Variants in LHFPL6 observed in about 807,000 individuals in gnomAD.
LHFPL6 encodes the protein LHFPL tetraspan subfamily member 6 protein.
Under a neutral mutation model 20.6 loss-of-function variants are expected in LHFPL6, and 9 were observed. The ratio of observed to expected loss-of-function variants is 0.44; its 90% CI spans 0.26 to 0.76. The LOEUF (loss-of-function observed/expected upper bound fraction) is 0.76. LHFPL6 is among the 30% of genes least tolerant of loss of function. LHFPL6 has a pLI of 0.20. For missense variants in LHFPL6, 218 were observed against 253.5 expected (o/e 0.86, Z 0.95); for synonymous variants, 105 against 98.7 (o/e 1.06, Z -0.38).
chr13:39,524,135 AGGGGCTAAGGG>A (rs1870210097), intron 2 of LHFPL6, among the ~76,000 whole-genome samples: 1 of 152,210 alleles, frequency 6.6e-6, no homozygotes, highest in Non-Finnish European at 1.5e-5. Flanking sequence ...AAGGGAAGAA[AGGGGCTAAGGG>A]ACATAGGAAT....
chr13:39,544,343 T>C (rs913822413), intron 2 of LHFPL6, among the ~76,000 whole-genome samples: 6 of 152,218 alleles, frequency 3.9e-5, no homozygotes, highest in African/African-American at 1.4e-4. Context: ...AATTAGCTCA[T>C]TTGACACCTT....
intron 2 of LHFPL6, among the ~76,000 whole-genome samples, chr13:39,458,405 A>T (rs2138426543): frequency 6.6e-6 from 1 of 152,288 alleles, no homozygotes; most frequent in Non-Finnish European, 1.5e-5. Flanking sequence ...GAGGTCAATG[A>T]AAGCAAGCAA....
chr13:39,459,595 G>A (rs1400689373), intron 2 of LHFPL6, among the ~76,000 whole-genome samples: 1 of 152,102 alleles, frequency 6.6e-6, no homozygotes, highest in Non-Finnish European at 1.5e-5. Context: ...TTGAAAGCAA[G>A]ACTTTCTTTC....
intron 2 of LHFPL6, among the ~76,000 whole-genome samples, chr13:39,592,216 A>G (rs1427719789): frequency 1.3e-5 from 2 of 151,642 alleles, no homozygotes; most frequent in South Asian, 2.1e-4. Context: ...AGCTTTTTAG[A>G]AAAAAAAAGT....
chr13:39,391,702 T>C (rs995276706), intron 2 of LHFPL6, among the ~76,000 whole-genome samples: 9 of 152,212 alleles, frequency 5.9e-5, no homozygotes, highest in Non-Finnish European at 1.3e-4. Context: ...AATATGAACG[T>C]ATCATAAGAT....
At chr13:39,508,925 T>C (rs1869588864) in intron 2 of LHFPL6, among the ~76,000 whole-genome samples, 1 of 152,188 alleles carries the variant, frequency 6.6e-6, no homozygotes, top group Non-Finnish European at 1.5e-5. Flanking sequence ...TGCCAAATTG[T>C]TTTCTAAAAT....
intron 2 of LHFPL6, among the ~76,000 whole-genome samples, chr13:39,444,593 T>A (rs1330611663): frequency 1.3e-5 from 2 of 152,184 alleles, no homozygotes; most frequent in African/African-American, 4.8e-5. Flanking sequence ...ACCCCTCAGC[T>A]GCTCTGGCCA....
chr13:39,562,367 C>CAT (rs1264406810), intron 2 of LHFPL6, among the ~76,000 whole-genome samples: 8 of 75,498 alleles, frequency 1.1e-4, no homozygotes, highest in African/African-American at 1.9e-4. Flanking sequence ...TATACATATA[C>CAT]ATATATACAT....
In LHFPL6 at chr13:39,601,148, G is replaced by A; in HGVS notation, c.69C>T (p.Ser23=). Residue 23 remains serine, a synonymous_variant, in exon 2 of 4, where the codon TCC becomes TCT. Coordinates refer to ENST00000379589, the MANE Select transcript of LHFPL6 (RefSeq NM_005780.3). ...ALLSFLCAAT[S]CVGFFMPYWL... ...AGTAAGGCATAAAGAACCCCACGCA[G>A]GAGGTGGCAGCACAAAGAAAAGACA... The A allele has an allele frequency of 6.2e-7, 1 of 1,614,134 alleles. No homozygotes were observed. Among genetic ancestry groups the A allele is most frequent in the Non-Finnish European group, 8.5e-7 (1 of 1,180,034 alleles).
intron 2 of LHFPL6, among the ~76,000 whole-genome samples, chr13:39,580,133 A>G (rs995452243): frequency 1.3e-5 from 2 of 152,230 alleles, no homozygotes; most frequent in Non-Finnish European, 2.9e-5. Context: ...ATAAAAATAC[A>G]AATTTATGAA....
At chr13:39,577,030 T>C (rs976353907) in intron 2 of LHFPL6, among the ~76,000 whole-genome samples, 3 of 152,166 alleles carry the variant, frequency 2.0e-5, no homozygotes, top group Non-Finnish European at 4.4e-5. Context: ...AGACCTACTG[T>C]GTGCTAAAGA....
intron 2 of LHFPL6, among the ~76,000 whole-genome samples, chr13:39,562,515 T>TATACAC (rs1871546595): frequency 6.7e-4 from 77 of 114,892 alleles, no homozygotes; most frequent in African/African-American, 2.0e-3. Flanking sequence ...CATATATACA[T>TATACAC]ATATACACAT....
intron 3 of LHFPL6, among the ~76,000 whole-genome samples, chr13:39,345,512 CAAAAAAAAAAAAAAA>C (rs71077225): frequency 6.9e-5 from 3 of 43,456 alleles, no homozygotes; most frequent in Non-Finnish European, 1.5e-4. Flanking sequence ...GACTCCATCT[CAAAAAAAAAAAAAAA>C]AAAAAAAAAA....
chr13:39,465,645 C>T (rs568617778), intron 2 of LHFPL6, among the ~76,000 whole-genome samples: 1 of 152,192 alleles, frequency 6.6e-6, no homozygotes, highest in South Asian at 2.1e-4. Flanking sequence ...TGGAAAATGA[C>T]TTAATCATCT....
chr13:39,349,613 T>A (rs999043110), intron 3 of LHFPL6, among the ~76,000 whole-genome samples: 2 of 152,200 alleles, frequency 1.3e-5, no homozygotes, highest in African/African-American at 4.8e-5. Flanking sequence ...CATTAAGCAA[T>A]AATGAGACAT....
chr13:39,442,520 G>A (rs1312771939), intron 2 of LHFPL6, among the ~76,000 whole-genome samples: 2 of 152,146 alleles, frequency 1.3e-5, no homozygotes, highest in Non-Finnish European at 2.9e-5. Context: ...TAGCTGCAAA[G>A]GGAAGGGAAG....
intron 2 of LHFPL6, among the ~76,000 whole-genome samples, chr13:39,519,093 G>A (rs1202717702): frequency 6.6e-6 from 1 of 152,094 alleles, no homozygotes; most frequent in East Asian, 1.9e-4. Flanking sequence ...AAAATTAGCA[G>A]GGCGTGGTGG....
At position 39,356,133 on chromosome 13, in the gene LHFPL6, C is replaced by T. The variant is rs536563249; in HGVS notation, c.485-12079G>A. Among the ~76,000 whole-genome samples the T allele has an allele frequency of 2.4e-4, 37 of 152,284 alleles. No individual in the cohort carries two copies. The South Asian group carries it at 3.3e-3, about 14-fold the overall frequency. On this transcript the variant is annotated intron_variant, in intron 3 of 3. Transcript: ENST00000379589. Reference sequence around the variant, plus strand: ...TGACCACATGTTCAGCGATAAAGCACGTCTCAATAAATTTTTAAAAAGTAA... The same window carrying T: ...TGACCACATGTTCAGCGATAAAGCATGTCTCAATAAATTTTTAAAAAGTAA...
intron 2 of LHFPL6, among the ~76,000 whole-genome samples, chr13:39,391,440 T>C (rs1350998183): frequency 6.6e-6 from 1 of 152,180 alleles, no homozygotes; most frequent in African/African-American, 2.4e-5. Flanking sequence ...ATAAAATCCA[T>C]ATCATAGAGC....
Sources: gnomAD v4.1 joint callset for allele counts (sites outside exome capture counted in the v4.1 genomes callset) on GRCh38, gnomAD v4.1.1 for gene constraint, MANE v1.5 for transcripts, NCBI Gene and HGNC (gene_info 2026-07-23, HGNC 2026-07-21) for gene names.